Variants in HMCN2 observed in about 807,000 individuals in gnomAD.
HMCN2 encodes hemicentin 2.
A neutral mutation model predicts 377.5 loss-of-function variants in HMCN2; 325 were observed. The ratio of observed to expected loss-of-function variants is 0.86; its 90% CI spans 0.79 to 0.94. The LOEUF (loss-of-function observed/expected upper bound fraction) is 0.94, where lower values mean the gene tolerates loss of function less well. Ranked by LOEUF, HMCN2 falls within the 40% of genes least tolerant of loss-of-function variation. The probability of loss-of-function intolerance (pLI) is 0.00; values close to 1 mark genes in which losing one functional copy is unlikely to be tolerated. For synonymous variants in HMCN2, 2,007 were observed against 2,046.8 expected (o/e 0.98, Z 0.53); for missense variants, 4,543 against 4,725.3 (o/e 0.96, Z 1.13).
chr9:130,358,762 C>T (rs1588304260), intron 36 of HMCN2, among the ~76,000 whole-genome samples: 1 of 152,126 alleles, frequency 6.6e-6, no homozygotes, highest in Non-Finnish European at 1.5e-5. Context: ...CAAGCTCCGC[C>T]TGCCGGGTTC....
At chr9:130,390,440 T>G (rs1045301558) in intron 62 of HMCN2, among the ~76,000 whole-genome samples, 1 of 152,190 alleles carries the variant, frequency 6.6e-6, no homozygotes, top group Admixed American at 6.5e-5. Flanking sequence ...GTCTTTGTGT[T>G]GAGAGGCTGG....
rs540783817 is a variant in HMCN2, at chr9:130,284,266, C to T, written c.260-337C>T. 1.8e-4 allele frequency among the ~76,000 whole-genome samples: 28 copies of T among 152,258 alleles called. 1 individual carries two copies. The highest frequency in any genetic ancestry group is 1.2e-3 in the Admixed American group (18 of 15,292). On this transcript the variant is annotated intron_variant, in intron 1 of 97. Transcript: ENST00000683500. ...AATTCCTTCTCCACTGACTGGCAGC[C>T]GGTGGGATGTTGGAGGTGGGGGTTC... is the stretch of plus-strand genomic sequence containing the variant.
intron 74 of HMCN2, 121 bp downstream of exon 74, chr9:130,397,776 T>C: frequency 1.1e-6 from 1 of 916,376 alleles, no homozygotes; most frequent in Non-Finnish European, 1.4e-6. Flanking sequence ...TTTTTGACCA[T>C]GAAGCCCATT....
At chr9:130,408,638 G>A (rs1305453092) in intron 83 of HMCN2, 105 bp from the exon 84 acceptor site, 1 of 686,608 alleles carries the variant, frequency 1.5e-6, no homozygotes, top group African/African-American at 1.9e-5. Context: ...AGAAGCCTCT[G>A]GAGGCCCCTG....
chr9:130,339,465 TG>T (rs1838934811), intron 23 of HMCN2, among the ~76,000 whole-genome samples: 2 of 152,126 alleles, frequency 1.3e-5, no homozygotes, highest in African/African-American at 4.8e-5. Flanking sequence ...TGGGTTTGCC[TG>T]GGGGTGTGAG....
At chr9:130,325,231 A>G (rs1757893168) in intron 19 of HMCN2, among the ~76,000 whole-genome samples, 1 of 151,568 alleles carries the variant, frequency 6.6e-6, no homozygotes, top group Admixed American at 6.6e-5. Flanking sequence ...AGTAGCTGGG[A>G]TTACAAGGCA....
At chr9:130,412,656 A>C (rs1843491331) in intron 85 of HMCN2, among the ~76,000 whole-genome samples, 2 of 148,734 alleles carry the variant, frequency 1.3e-5, no homozygotes, top group African/African-American at 5.0e-5. Context: ...AGCTCACTGC[A>C]ACTTCCACCT....
chr9:130,265,851 A>C lies in HMCN2; in HGVS notation c.-28A>C. The C allele has an allele frequency of 3.0e-6, 1 of 328,880 alleles. No homozygotes were observed. The highest frequency in any genetic ancestry group is 4.5e-5 in the Admixed American group (1 of 22,098). 20.4% of individuals were successfully genotyped at this position (328,880 alleles called of 1,614,324 possible). A position where few individuals can be genotyped will look rare whatever the true frequency, so the allele number is the denominator to read the frequency against. ...TAGCTCCGACCTGCGCCTCCACCGC[A>C]GCACCCGCAGCCAGAGCCGCGCTCG... On this transcript the variant is annotated 5_prime_UTR_variant, in exon 1 of 98. Coordinates refer to ENST00000683500, the MANE Select transcript of HMCN2 (RefSeq NM_001291815.2).
intron 15 of HMCN2, among the ~76,000 whole-genome samples, chr9:130,318,087 C>T (rs1837663886): frequency 6.6e-6 from 1 of 152,148 alleles, no homozygotes; most frequent in Non-Finnish European, 1.5e-5. Flanking sequence ...TTCTGGGATT[C>T]TGGGATGCTG....
chr9:130,404,136 C>T (rs557913200), intron 80 of HMCN2, among the ~76,000 whole-genome samples: 1 of 152,328 alleles, frequency 6.6e-6, no homozygotes, highest in South Asian at 2.1e-4. Context: ...CCTCTCTGGC[C>T]CTGCTCTGGC....
At chr9:130,301,449 G>A (rs1303692982) in intron 8 of HMCN2, among the ~76,000 whole-genome samples, 2 of 152,220 alleles carry the variant, frequency 1.3e-5, no homozygotes, top group Non-Finnish European at 2.9e-5. Context: ...CGCCCTCCAG[G>A]TCTGGGAGGC....
chr9:130,267,191 C>A (rs1834152719), intron 1 of HMCN2, among the ~76,000 whole-genome samples: 1 of 151,876 alleles, frequency 6.6e-6, no homozygotes, highest in Non-Finnish European at 1.5e-5. Context: ...GTGATCCTCC[C>A]ACTTAGGCCT....
At position 130,365,990 on chromosome 9, in the gene HMCN2, A is replaced by T; in HGVS notation, c.6620A>T (p.Lys2207Met). The T allele has an allele frequency of 4.1e-6, 4 of 986,014 alleles. No homozygotes were observed. Among genetic ancestry groups the T allele is most frequent in the Non-Finnish European group, 4.8e-6 (4 of 830,054 alleles). The allele number at this position is 986,014 out of a possible 1,614,324, so 61.1% of individuals were successfully genotyped here. A position where few individuals can be genotyped will look rare whatever the true frequency, so the allele number is the denominator to read the frequency against. Residue 2207 changes from lysine (K) to methionine (M), a missense_variant, in exon 43 of 98, where the codon AAG (lysine) becomes ATG (methionine). Transcript: ENST00000683500. ...GVPFPKISWR[K>M]DGQPLPGEGA... Reference sequence around the variant, plus strand: ...CCCTTCCCCAAGATCTCCTGGAGGAAGGACGGTAGGATTGCTGCCCTCACC... The same window carrying T: ...CCCTTCCCCAAGATCTCCTGGAGGATGGACGGTAGGATTGCTGCCCTCACC...
At chr9:130,313,488 C>T (rs1266013907) in intron 15 of HMCN2, among the ~76,000 whole-genome samples, 1 of 152,320 alleles carries the variant, frequency 6.6e-6, no homozygotes, top group Admixed American at 6.5e-5. Context: ...TCACTTTCCT[C>T]GTCTGTGAAA....
intron 51 of HMCN2, 94 bp downstream of exon 51, chr9:130,376,083 G>A (rs1841361391): frequency 3.0e-6 from 1 of 333,836 alleles, no homozygotes; most frequent in Non-Finnish European, 4.3e-6. Flanking sequence ...GTGCTCCAGG[G>A]AGTCTCCATG....
intron 57 of HMCN2, 147 bp from the exon 58 acceptor site, chr9:130,384,224 CAT>C: frequency 1.8e-6 from 1 of 560,032 alleles, no homozygotes; most frequent in South Asian, 1.9e-5. Flanking sequence ...GTAAGAGAGT[CAT>C]GGCAAATGGA....
chr9:130,347,912 C>T lies in HMCN2; in HGVS notation c.4024+552C>T, dbSNP rs1839471517. On this transcript the variant is annotated intron_variant, in intron 26 of 97. Transcript: ENST00000683500. The surrounding 1 kb of genome is among the most constrained non-coding windows in gnomAD (Gnocchi z 5.1). ...CGGATGGCAGTGCAGAGCCCCAGAG[C>T]CCACCTCCGGGTTAAAACTGTTACC... 2.7e-6 allele frequency: 2 copies of T among 739,764 alleles called. No individual in the cohort carries two copies. The highest frequency in any genetic ancestry group is 6.2e-5 in the South Asian group (1 of 16,184). The allele number at this position is 739,764 out of a possible 1,614,324, so 45.8% of individuals were successfully genotyped here. A position where few individuals can be genotyped will look rare whatever the true frequency, so the allele number is the denominator to read the frequency against.
rs539521990 is a variant in HMCN2, at chr9:130,403,073, C to G, written c.11879-121C>G. The G allele has an allele frequency of 1.0e-5, 11 of 1,087,194 alleles. No homozygotes were observed. The South Asian group carries it at 1.5e-4, about 15-fold the overall frequency. The allele number at this position is 1,087,194 out of a possible 1,614,324, so 67.3% of individuals were successfully genotyped here. ...GCCATGGCGTCCTTGTTGCTGTGGC[C>G]GATGTTTCTAGAACCCCCGTTCTCC... On this transcript the variant is annotated intron_variant, in intron 78 of 97. Transcript: ENST00000683500.
At chr9:130,416,103 T>TA (rs201122875) in intron 85 of HMCN2, among the ~76,000 whole-genome samples, 37 of 47,936 alleles carry the variant, frequency 7.7e-4, no homozygotes, top group South Asian at 2.5e-3. Flanking sequence ...AGGCTTTATT[T>TA]TTTTTTTTTT....
Sources: allele counts gnomAD v4.1 joint callset (sites outside exome capture counted in the v4.1 genomes callset), GRCh38; gene constraint gnomAD v4.1.1; non-coding constraint Gnocchi (gnomAD v3.1); transcripts MANE v1.5; gene names NCBI Gene and HGNC (gene_info 2026-07-23, HGNC 2026-07-21).